The following BBS5 variants were observed in gnomAD, a reference collection of about 807,000 sequenced individuals.
The protein encoded by BBS5 is Bardet-Biedl syndrome 5, also known as BBSome complex member BBS5.
A neutral mutation model predicts 50.2 loss-of-function variants in BBS5; 39 were observed. The ratio of observed to expected loss-of-function variants is 0.78; its 90% CI spans 0.60 to 1.01. The LOEUF (loss-of-function observed/expected upper bound fraction) is 1.01, where lower values mean the gene tolerates loss of function less well. Among genes scored for constraint, BBS5 ranks in the 50% least tolerant of loss-of-function variants. BBS5 has a pLI of 0.00. For missense variants in BBS5, 356 were observed against 401.5 expected (o/e 0.89, Z 0.97); for synonymous variants, 134 against 133.1 (o/e 1.01, Z -0.05).
At position 169,503,124 on chromosome 2, in the gene BBS5, A is replaced by G. The variant is rs1021919514; in HGVS notation, c.846A>G (p.Glu282=). The G allele has an allele frequency of 6.2e-7, 1 of 1,614,052 alleles. No individual in the cohort carries two copies. Residue 282 remains glutamate (E), a synonymous_variant, in exon 10 of 12, where the codon GAA becomes GAG. Coordinates refer to ENST00000295240, the MANE Select transcript of BBS5 (RefSeq NM_152384.3). ...KPQPLEALTV[E]QIQDDVEIDS... ...AGCCGCTCGAAGCTCTGACAGTCGA[A>G]CAAATTCAAGATGATGTAGAAATAG...
chr2:169,506,649 A>G lies in BBS5; in HGVS notation c.*2067A>G, dbSNP rs569154195. On this transcript the variant is annotated 3_prime_UTR_variant, in exon 12 of 12. Coordinates refer to ENST00000295240, the MANE Select transcript of BBS5 (RefSeq NM_152384.3). ...GTTCGGTTTAATAAAGAATTTATGC[A>G]GCACCATTTAACGTTTTGAAAGTAT... 6.6e-6 allele frequency: 1 copy of G among 152,386 alleles called. No homozygotes were observed. Among genetic ancestry groups the G allele is most frequent in the East Asian group, 1.9e-4 (1 of 5,190 alleles). 9.4% of individuals were successfully genotyped at this position (152,386 alleles called of 1,614,324 possible).
chr2:169,500,483 G>C (rs577693711), intron 9 of BBS5, among the ~76,000 whole-genome samples: 1 of 152,160 alleles, frequency 6.6e-6, no homozygotes, highest in South Asian at 2.1e-4. Context: ...CTGATCACTC[G>C]ATTGTAGACT....
chr2:169,483,106 G>A (rs1683429270), intron 2 of BBS5, among the ~76,000 whole-genome samples: 1 of 152,174 alleles, frequency 6.6e-6, no homozygotes, highest in Admixed American at 6.6e-5. Context: ...GGGAAATAGA[G>A]CAGACTTCAT....
rs71003093 is a variant in BBS5 at position 169,489,851 on chromosome 2, C to CT, written c.386+1778dup. ...TATTTTTTGGCTTCTCATAAATTTC[C>CT]TTTTTTTTTTTTTTTTTTTTTTTTT... is the stretch of plus-strand genomic sequence containing the variant. On this transcript the variant is annotated intron_variant, in intron 5 of 11. Transcript: ENST00000295240. Among the ~76,000 whole-genome samples, 8 of 65,892 alleles carry CT rather than the reference C, an allele frequency of 1.2e-4. 1 individual carries two copies. Among genetic ancestry groups the CT allele is most frequent in the African/African-American group, 5.0e-4 (6 of 12,064 alleles). 43.2% of individuals were successfully genotyped at this position (65,892 alleles called of 152,430 possible).
chr2:169,502,437 T>C (rs551572353), intron 9 of BBS5, among the ~76,000 whole-genome samples: 1 of 152,344 alleles, frequency 6.6e-6, no homozygotes, highest in South Asian at 2.1e-4. Flanking sequence ...AAGCATATAA[T>C]AGTGTTGATA....
At position 169,504,497 on chromosome 2, in the gene BBS5, C is replaced by T. The variant is rs1445569211; in HGVS notation, c.941C>T (p.Pro314Leu). The T allele has an allele frequency of 1.2e-6, 2 of 1,613,822 alleles. No individual in the cohort carries two copies. Among genetic ancestry groups the T allele is most frequent in the East Asian group, 2.2e-5 (1 of 44,864 alleles). Residue 314 changes from proline (P) to leucine (L), a missense_variant, in exon 12 of 12, where the codon CCT (proline) becomes CTT (leucine). By Grantham distance (98) the Pro-to-Leu change is moderately conservative (BLOSUM62 -3). Coordinates refer to ENST00000295240, the MANE Select transcript of BBS5 (RefSeq NM_152384.3). ...ADGNKQQDRE[P>L]VFSEELGLAI... ...CCCAAAAAGCAACAAGATCGTGAAC[C>T]TGTATTTTCAGAAGAACTGGGGCTT...
chr2:169,490,893 A>T (rs1683584838), intron 5 of BBS5, among the ~76,000 whole-genome samples: 1 of 152,218 alleles, frequency 6.6e-6, no homozygotes, highest in Admixed American at 6.5e-5. Flanking sequence ...AATTTTATTT[A>T]CATGGAATCA....
rs1185030353 is a variant in BBS5 at position 169,487,124 on chromosome 2, A to G, written c.198A>G (p.Arg66=). Residue 66 remains arginine (R), a synonymous_variant, in exon 3 of 12, where the codon AGA becomes AGG. Coordinates refer to ENST00000295240, the MANE Select transcript of BBS5 (RefSeq NM_152384.3). Reference sequence around the variant, plus strand: ...TCTGGCACTCTTTGGCATTATCAAGAGTCAATGTTTGTAAGTATCTTTGTT... The same window carrying G: ...TCTGGCACTCTTTGGCATTATCAAGGGTCAATGTTTGTAAGTATCTTTGTT... ...RILWHSLALS[R]VNVSVGYNCI... The G allele has an allele frequency of 7.5e-6, 12 of 1,609,596 alleles. No homozygotes were observed. The highest frequency in any genetic ancestry group is 1.0e-5 in the Non-Finnish European group (12 of 1,176,296).
chr2:169,501,893 C>G (rs1020462267), intron 9 of BBS5, among the ~76,000 whole-genome samples: 3 of 152,194 alleles, frequency 2.0e-5, no homozygotes, highest in Non-Finnish European at 4.4e-5. Context: ...TTCTCCTGTT[C>G]TTTGACCCCA....
At chr2:169,490,506 G>A (rs532480194) in intron 5 of BBS5, among the ~76,000 whole-genome samples, 10 of 152,192 alleles carry the variant, frequency 6.6e-5, no homozygotes, top group Admixed American at 2.0e-4. Context: ...GTGAGCCACC[G>A]CACCCAGCAG....
chr2:169,493,892 C>A, intron 7 of BBS5, 56 bp downstream of exon 7: 2 of 1,242,430 alleles, frequency 1.6e-6, no homozygotes, highest in South Asian at 1.3e-5. Context: ...ATTTTTTGTT[C>A]AATAGTTAAT....
chr2:169,504,519 G>A lies in BBS5; in HGVS notation c.963G>A (p.Gly321=), dbSNP rs1559126739. 7 of 1,613,938 alleles carry A rather than the reference G, an allele frequency of 4.3e-6. No individual in the cohort carries two copies. The highest frequency in any genetic ancestry group is 5.1e-6 in the Non-Finnish European group (6 of 1,179,986). The change falls in exon 12 of 12, where the codon GGG becomes GGA. Residue 321 remains glycine, a synonymous_variant. Coordinates refer to ENST00000295240, the MANE Select transcript of BBS5 (RefSeq NM_152384.3). ...AACCTGTATTTTCAGAAGAACTGGGGCTTGCAATAGAGAAATTGAAGGATG... is the reference window on the plus strand; with the variant it reads ...AACCTGTATTTTCAGAAGAACTGGGACTTGCAATAGAGAAATTGAAGGATG... ...DREPVFSEEL[G]LAIEKLKDGF... is the part of the protein sequence containing the mutation.
intron 7 of BBS5, among the ~76,000 whole-genome samples, chr2:169,495,210 T>C (rs1378121938): frequency 2.0e-5 from 3 of 152,308 alleles, no homozygotes; most frequent in African/African-American, 7.2e-5. Context: ...AAAAGGAATA[T>C]AAGAGTTTGT....
At chr2:169,501,927 A>G (rs978683950) in intron 9 of BBS5, among the ~76,000 whole-genome samples, 1 of 152,268 alleles carries the variant, frequency 6.6e-6, no homozygotes, top group South Asian at 2.1e-4. Context: ...GCTAGCTGTA[A>G]TAGCTCACTG....
At chr2:169,496,834 A>T (rs937026829) in intron 7 of BBS5, among the ~76,000 whole-genome samples, 5 of 151,816 alleles carry the variant, frequency 3.3e-5, no homozygotes, top group African/African-American at 1.2e-4. Flanking sequence ...ACACCACTGC[A>T]CTCCAGCCTG....
chr2:169,496,592 G>A (rs1337616930), intron 7 of BBS5, among the ~76,000 whole-genome samples: 6 of 151,960 alleles, frequency 3.9e-5, no homozygotes, highest in South Asian at 4.2e-4. Context: ...AAAATTGGCC[G>A]GGCGCGGTGG....
chr2:169,493,457 G>A (rs913996013), intron 6 of BBS5, among the ~76,000 whole-genome samples: 1 of 152,226 alleles, frequency 6.6e-6, no homozygotes, highest in East Asian at 1.9e-4. Flanking sequence ...ATTTACATGG[G>A]ATATTTAATC....
chr2:169,504,775 C>G lies in BBS5; in HGVS notation c.*193C>G. The G allele has an allele frequency of 1.4e-6, 2 of 1,429,812 alleles. No homozygotes were observed. Among genetic ancestry groups the G allele is most frequent in the Admixed American group, 4.2e-5 (2 of 47,584 alleles). The allele number at this position is 1,429,812 out of a possible 1,614,324, so 88.6% of individuals were successfully genotyped here. On this transcript the variant is annotated 3_prime_UTR_variant, in exon 12 of 12. Coordinates refer to ENST00000295240, the MANE Select transcript of BBS5 (RefSeq NM_152384.3). ...TCGGCCAGCGCGTCGAGGGAGGGGC[C>G]AGCGACACATGGCCTAGTAACCGTC... is the stretch of plus-strand genomic sequence containing the variant.
At chr2:169,493,030 G>C (rs1311823100) in intron 6 of BBS5, 21 bp downstream of exon 6, 1 of 1,612,702 alleles carries the variant, frequency 6.2e-7, no homozygotes, top group Admixed American at 1.7e-5. Flanking sequence ...AAGAGCTAGT[G>C]AACCTTTTGG....
Sources: gnomAD v4.1 joint callset for allele counts (sites outside exome capture counted in the v4.1 genomes callset) on GRCh38, gnomAD v4.1.1 for gene constraint, MANE v1.5 for transcripts, NCBI Gene and HGNC (gene_info 2026-07-23, HGNC 2026-07-21) for gene names.